Variants in MRPL21 observed in about 807,000 individuals in gnomAD.
The protein encoded by MRPL21 is mitochondrial ribosomal protein L21.
Under a neutral mutation model 27.3 loss-of-function variants are expected in MRPL21, and 20 were observed. That is an observed-to-expected ratio of 0.73 (90% CI 0.52 to 1.06). MRPL21 has a LOEUF of 1.06. Among genes scored for constraint, MRPL21 ranks in the 50% least tolerant of loss-of-function variants. The probability of loss-of-function intolerance (pLI) is 0.00; values close to 1 mark genes in which losing one functional copy is unlikely to be tolerated. For synonymous variants in MRPL21, 98 were observed against 101.5 expected (o/e 0.97, Z 0.21); for missense variants, 249 against 251.4 (o/e 0.99, Z 0.06).
intron 4 of MRPL21, among the ~76,000 whole-genome samples, chr11:68,896,107 CTT>C (rs1399176980): frequency 2.0e-5 from 3 of 152,256 alleles, no homozygotes. Context: ...TTAGCAGAAA[CTT>C]AACAGTTTTT....
intron 6 of MRPL21, 92 bp from the exon 7 acceptor site, chr11:68,891,487 C>A (rs960463563): frequency 5.0e-5 from 65 of 1,297,592 alleles, no homozygotes; most frequent in Non-Finnish European, 6.7e-5. Flanking sequence ...CCCCAGCCAG[C>A]GCGACCCCGG....
At position 68,896,686 on chromosome 11, in the gene MRPL21, G is replaced by C; in HGVS notation, c.233-8C>G. Reference sequence around the variant, plus strand: ...TCACCTTCTTCACGACCTCTGCAGGGGAAGGCGGGTGGGTGGGCAGTCACC... The same window carrying C: ...TCACCTTCTTCACGACCTCTGCAGGCGAAGGCGGGTGGGTGGGCAGTCACC... On this transcript the variant is annotated splice_polypyrimidine_tract_variant and splice_region_variant and intron_variant, in intron 3 of 6. Transcript: ENST00000362034. 6.2e-7 allele frequency: 1 copy of C among 1,613,174 alleles called. No individual in the cohort carries two copies. Among genetic ancestry groups the C allele is most frequent in the Admixed American group, 1.7e-5 (1 of 60,018 alleles).
chr11:68,900,173 C>T (rs1857900300), intron 2 of MRPL21, among the ~76,000 whole-genome samples: 1 of 152,226 alleles, frequency 6.6e-6, no homozygotes, highest in Admixed American at 6.5e-5. Context: ...ATACAAACTT[C>T]CTCATCAGAA....
At chr11:68,891,476 T>C in intron 6 of MRPL21, 81 bp from the exon 7 acceptor site, 1 of 1,438,894 alleles carries the variant, frequency 6.9e-7, no homozygotes, top group Non-Finnish European at 9.8e-7. Flanking sequence ...CACACAGCCC[T>C]CCCCAGCCAG....
chr11:68,895,276 C>CA (rs202201401), intron 4 of MRPL21, among the ~76,000 whole-genome samples: 2,385 of 149,328 alleles, frequency 0.016, 54 homozygotes, highest in African/African-American at 0.054. Context: ...AACAAACAAA[C>CA]AAAAAAAAAG....
intron 1 of MRPL21, among the ~76,000 whole-genome samples, chr11:68,902,121 T>C (rs1366605181): frequency 1.3e-5 from 2 of 152,208 alleles, no homozygotes; most frequent in Admixed American, 6.5e-5. Context: ...ACTGTGTACT[T>C]CCATCACGTC....
chr11:68,893,381 C>T (rs1347520460), intron 5 of MRPL21, 22 bp downstream of exon 5: 2 of 1,614,188 alleles, frequency 1.2e-6, no homozygotes, highest in Non-Finnish European at 1.7e-6. Context: ...CCAGACAAAG[C>T]CCAGCACTTC....
chr11:68,902,738 A>G (rs1275359296), intron 1 of MRPL21, among the ~76,000 whole-genome samples: 1 of 152,218 alleles, frequency 6.6e-6, no homozygotes, highest in Non-Finnish European at 1.5e-5. Flanking sequence ...AATGACATGT[A>G]TCTACCATTA....
intron 1 of MRPL21, among the ~76,000 whole-genome samples, chr11:68,903,348 AG>A (rs1481864074): frequency 6.6e-6 from 1 of 152,156 alleles, no homozygotes; most frequent in Non-Finnish European, 1.5e-5. Flanking sequence ...ACCATTTTTC[AG>A]ACCAGCTCGC....
Position 68,892,876 on chromosome 11 carries a change from T to C in MRPL21, c.553+14A>G, listed in dbSNP as rs762340748. 3.7e-6 allele frequency: 6 copies of C among 1,607,828 alleles called. No individual in the cohort carries two copies. In the African/African-American group the frequency reaches 8.0e-5, roughly 21 times the overall value. On this transcript the variant is annotated intron_variant, in intron 6 of 6. Coordinates refer to ENST00000362034, the MANE Select transcript of MRPL21 (RefSeq NM_181514.2). ...ACCGTGCAACAGGGCCCAGCGGTACTTTCTCTAACTTACTTCTTTTCTTCT... is the reference window on the plus strand; with the variant it reads ...ACCGTGCAACAGGGCCCAGCGGTACCTTCTCTAACTTACTTCTTTTCTTCT...
Position 68,891,289 on chromosome 11 carries a change from C to T in MRPL21, c.*42G>A, listed in dbSNP as rs575214278. On this transcript the variant is annotated 3_prime_UTR_variant, in exon 7 of 7. Transcript: ENST00000362034. Reference sequence around the variant, plus strand: ...ACAGAAACCTGGTCTCCTTGGGAAGCAGGAGTTTATTTTTATCCTTTTGTA... The same window carrying T: ...ACAGAAACCTGGTCTCCTTGGGAAGTAGGAGTTTATTTTTATCCTTTTGTA... 216 of 1,588,834 alleles carry T rather than the reference C, an allele frequency of 1.4e-4. No individual in the cohort carries two copies. The South Asian group carries it at 2.2e-3, about 16-fold the overall frequency.
intron 4 of MRPL21, 182 bp downstream of exon 4, chr11:68,896,333 C>A (rs545698071): frequency 7.0e-6 from 5 of 717,492 alleles, no homozygotes; most frequent in Middle Eastern, 4.0e-4. Flanking sequence ...TGGAAGCCTG[C>A]CCTGCCCTTG....
At chr11:68,901,466 G>A (rs1036683166) in intron 1 of MRPL21, among the ~76,000 whole-genome samples, 8 of 152,152 alleles carry the variant, frequency 5.3e-5, no homozygotes, top group African/African-American at 1.4e-4. Context: ...TAAGTGCTTA[G>A]GTGTAAAAAG....
chr11:68,893,647 C>T (rs1857708599), intron 4 of MRPL21, among the ~76,000 whole-genome samples, 192 bp from the exon 5 acceptor site: 3 of 152,246 alleles, frequency 2.0e-5, no homozygotes, highest in African/African-American at 7.2e-5. Flanking sequence ...AGTGGCAGCA[C>T]TGCACAGCCG....
At chr11:68,899,394 C>T (rs1418166999) in intron 2 of MRPL21, among the ~76,000 whole-genome samples, 1 of 152,212 alleles carries the variant, frequency 6.6e-6, no homozygotes, top group Non-Finnish European at 1.5e-5. Flanking sequence ...AAAGACCAGG[C>T]CCACCCGTCC....
chr11:68,898,795 CTTTTT>C (rs60725210), intron 2 of MRPL21, among the ~76,000 whole-genome samples: 1 of 149,288 alleles, frequency 6.7e-6, no homozygotes, highest in Non-Finnish European at 1.5e-5. Flanking sequence ...CGGGCAATGC[CTTTTT>C]TTTTTGAGAC....
At chr11:68,892,697 A>G in intron 6 of MRPL21, 193 bp downstream of exon 6, 1 of 1,525,262 alleles carries the variant, frequency 6.6e-7, no homozygotes. Flanking sequence ...TGGAGCGTGG[A>G]GGAGAAGGGG....
chr11:68,902,139 C>T (rs1449677814), intron 1 of MRPL21, among the ~76,000 whole-genome samples: 13 of 152,212 alleles, frequency 8.5e-5, no homozygotes. Flanking sequence ...GTCTCCTTTG[C>T]TCACTCTTCA....
intron 2 of MRPL21, 114 bp downstream of exon 2, chr11:68,900,434 A>C (rs1297785113): frequency 2.9e-6 from 3 of 1,048,590 alleles, no homozygotes; most frequent in Non-Finnish European, 4.3e-6. Flanking sequence ...TCTTAAAAAC[A>C]AAAGAGGAAA....
Sources: gnomAD v4.1 joint callset for allele counts (sites outside exome capture counted in the v4.1 genomes callset) on GRCh38, gnomAD v4.1.1 for gene constraint, MANE v1.5 for transcripts, NCBI Gene and HGNC (gene_info 2026-07-23, HGNC 2026-07-21) for gene names.